Variants in STX7 observed in about 807,000 individuals in gnomAD.
STX7 encodes the protein syntaxin 7, also known as syntaxin-7.
STX7 carries 34 observed loss-of-function variants against 39.6 expected under a neutral mutation model. The observed-to-expected ratio is 0.86, with a 90% CI of 0.65 to 1.14. STX7 has a LOEUF of 1.14. STX7 is among the 50% of genes most tolerant of loss of function. The probability of loss-of-function intolerance (pLI) is 0.00; values close to 1 mark genes in which losing one functional copy is unlikely to be tolerated. For synonymous variants in STX7, 119 were observed against 99.1 expected (o/e 1.20, Z -1.19); for missense variants, 284 against 310.4 (o/e 0.92, Z 0.64).
chr6:132,455,571 A>T lies in STX7; in HGVS notation c.*5187T>A, dbSNP rs1774224528. The T allele has an allele frequency of 6.6e-6, 1 of 152,172 alleles. No individual in the cohort carries two copies. Among genetic ancestry groups the T allele is most frequent in the Non-Finnish European group, 1.5e-5 (1 of 68,032 alleles). The allele number at this position is 152,172 out of a possible 1,614,324, so 9.4% of individuals were successfully genotyped here. A position where few individuals can be genotyped will look rare whatever the true frequency, so the allele number is the denominator to read the frequency against. ...AGGAAATCTGGTTTTGCCTTCCACC[A>T]CTTACATTTTAAGCATAAATGCCAT... On this transcript the variant is annotated 3_prime_UTR_variant, in exon 10 of 10. Coordinates refer to ENST00000367941, the MANE Select transcript of STX7 (RefSeq NM_003569.3).
Position 132,460,854 on chromosome 6 carries a change from C to T in STX7, c.694-4G>A. ...ACAGGGTTTTTCTGGATTTGCGCTG[C>T]AGACGCAAAAAACAAAACAAAACAA... On this transcript the variant is annotated splice_region_variant and splice_polypyrimidine_tract_variant and intron_variant, in intron 9 of 9. Coordinates refer to ENST00000367941, the MANE Select transcript of STX7 (RefSeq NM_003569.3). 1 of 1,610,954 alleles carries T rather than the reference C, an allele frequency of 6.2e-7. No individual in the cohort carries two copies. The highest frequency in any genetic ancestry group is 8.5e-7 in the Non-Finnish European group (1 of 1,178,892).
intron 2 of STX7, among the ~76,000 whole-genome samples, chr6:132,480,148 C>T (rs1774981079): frequency 6.6e-6 from 1 of 152,134 alleles, no homozygotes; most frequent in African/African-American, 2.4e-5. Context: ...GTTCCACACA[C>T]CGATGCTTCT....
chr6:132,461,724 C>A, intron 9 of STX7: 1 of 1,115,986 alleles, frequency 9.0e-7, no homozygotes, highest in Non-Finnish European at 1.2e-6. Context: ...CAAACAAAAC[C>A]ACAGAGCAAA....
rs1396443746 is a variant in STX7, at chr6:132,475,678, A to G, written c.86-16T>C. ...ATTTCCACAGCTATTATAATAGAAA[A>G]TTCATGTATTAATTGTCACAAAAGT... On this transcript the variant is annotated splice_polypyrimidine_tract_variant and intron_variant, in intron 2 of 9. Coordinates refer to ENST00000367941, the MANE Select transcript of STX7 (RefSeq NM_003569.3). The G allele has an allele frequency of 1.3e-6, 2 of 1,564,964 alleles. No homozygotes were observed. Among genetic ancestry groups the G allele is most frequent in the Admixed American group, 1.7e-5 (1 of 57,912 alleles).
chr6:132,513,466 CG>C (rs1562345909), upstream of STX7, among the ~76,000 whole-genome samples: 1 of 152,104 alleles, frequency 6.6e-6, no homozygotes, highest in Non-Finnish European at 1.5e-5. Context: ...AATGCAAAGG[CG>C]AGTACACAAT....
rs1434758693 is a variant in STX7 at position 132,446,052 on chromosome 6, T to C, written c.*14706A>G. ...GGGTTAAGGTATTAAAGATGAAAGC[T>C]AGTACCCTTACAACTATTTATATTG... is the stretch of plus-strand genomic sequence containing the variant. On this transcript the variant is annotated 3_prime_UTR_variant, in exon 10 of 10. Coordinates refer to ENST00000367941, the MANE Select transcript of STX7 (RefSeq NM_003569.3). 1 of 152,194 alleles carries C rather than the reference T, an allele frequency of 6.6e-6. No homozygotes were observed. The highest frequency in any genetic ancestry group is 2.4e-5 in the African/African-American group (1 of 41,464). 9.4% of individuals were successfully genotyped at this position (152,194 alleles called of 1,614,324 possible).
At chr6:132,474,101 GC>G (rs1187821652) in intron 3 of STX7, among the ~76,000 whole-genome samples, 1 of 151,642 alleles carries the variant, frequency 6.6e-6, no homozygotes, top group Non-Finnish European at 1.5e-5. Context: ...TGGTGGATGT[GC>G]CTGTATTCCC....
chr6:132,461,842 A>T, intron 9 of STX7: 1 of 1,542,638 alleles, frequency 6.5e-7, no homozygotes, highest in Non-Finnish European at 8.8e-7. Flanking sequence ...CCTCACATCA[A>T]CATGCAGGAA....
intron 3 of STX7, among the ~76,000 whole-genome samples, chr6:132,474,227 C>CCA (rs777565011): frequency 8.6e-5 from 6 of 69,914 alleles, no homozygotes; most frequent in Admixed American, 4.0e-4. Context: ...GATCCTGTCT[C>CCA]AAAAAAAAAA....
intron 2 of STX7, among the ~76,000 whole-genome samples, chr6:132,502,029 C>T (rs926553176): frequency 1.3e-5 from 2 of 152,200 alleles, no homozygotes; most frequent in African/African-American, 4.8e-5. Context: ...CTGTGGACAA[C>T]GTGGTGCCTG....
intron 8 of STX7, among the ~76,000 whole-genome samples, chr6:132,466,811 A>G (rs1774576352): frequency 6.6e-6 from 1 of 152,180 alleles, no homozygotes; most frequent in African/African-American, 2.4e-5. Flanking sequence ...AGCCTGCTCC[A>G]CTTACAGATT....
chr6:132,505,076 A>G (rs191553160), intron 1 of STX7, among the ~76,000 whole-genome samples: 37 of 151,992 alleles, frequency 2.4e-4, no homozygotes, highest in African/African-American at 8.2e-4. Context: ...CTGCGACACA[A>G]AAAGTATTTC....
chr6:132,469,821 A>T, intron 7 of STX7, 130 bp downstream of exon 7: 1 of 638,332 alleles, frequency 1.6e-6, no homozygotes, highest in Non-Finnish European at 2.5e-6. Context: ...CCTGGGTGAC[A>T]GAGGGAGACT....
At position 132,451,955 on chromosome 6, in the gene STX7, C is replaced by T. The variant is rs1286706597; in HGVS notation, c.*8803G>A. 1 of 152,162 alleles carries T rather than the reference C, an allele frequency of 6.6e-6. No homozygotes were observed. Among genetic ancestry groups the T allele is most frequent in the African/African-American group, 2.4e-5 (1 of 41,438 alleles). 9.4% of individuals were successfully genotyped at this position (152,162 alleles called of 1,614,324 possible). On this transcript the variant is annotated 3_prime_UTR_variant, in exon 10 of 10. Transcript: ENST00000367941. ...GCTAGTATTACCCTGATACCACCAA[C>T]CAGTATGTCGCATTAAAACAGATGC... is the stretch of plus-strand genomic sequence containing the variant.
intron 1 of STX7, among the ~76,000 whole-genome samples, chr6:132,508,123 G>T (rs941424317): frequency 6.6e-6 from 1 of 152,192 alleles, no homozygotes; most frequent in Non-Finnish European, 1.5e-5. Context: ...GGAAAGTTAT[G>T]ATCTGTTCTT....
Position 132,484,337 on chromosome 6 carries a change from G to A in STX7, c.86-8675C>T, listed in dbSNP as rs139060550. On this transcript the variant is annotated intron_variant, in intron 2 of 9. Coordinates refer to ENST00000367941, the MANE Select transcript of STX7 (RefSeq NM_003569.3). ...ATGAAGATCCATTCTGTTCCACGTG[G>A]GTCTGCTGCCATCTAGTGGATTATT... Among the ~76,000 whole-genome samples the A allele has an allele frequency of 1.4e-4, 21 of 152,118 alleles. No individual in the cohort carries two copies. The East Asian group carries it at 4.1e-3, about 29-fold the overall frequency.
chr6:132,449,408 G>A lies in STX7; in HGVS notation c.*11350C>T, dbSNP rs1005214440. On this transcript the variant is annotated 3_prime_UTR_variant, in exon 10 of 10. Transcript: ENST00000367941. The stretch of plus-strand genomic sequence containing the variant: ...GGCCTCCCAAAATGCTGTGATTACA[G>A]GCATAAGCCACCATACCAGGTCCCA... 1 of 152,122 alleles carries A rather than the reference G, an allele frequency of 6.6e-6. No homozygotes were observed. Among genetic ancestry groups the A allele is most frequent in the African/African-American group, 2.4e-5 (1 of 41,420 alleles). 9.4% of individuals were successfully genotyped at this position (152,122 alleles called of 1,614,324 possible).
rs56348033 is a variant in STX7 at position 132,460,732 on chromosome 6, G to T, written c.*26C>A. The T allele has an allele frequency of 1.3e-6, 2 of 1,494,976 alleles. No homozygotes were observed. The highest frequency in any genetic ancestry group is 1.9e-6 in the Non-Finnish European group (2 of 1,078,042). 92.6% of individuals were successfully genotyped at this position (1,494,976 alleles called of 1,614,324 possible). A position where few individuals can be genotyped will look rare whatever the true frequency, so the allele number is the denominator to read the frequency against. ...CTTCCTACATAATTTAGACAATGTA[G>T]TGCGACAGTGTGCTCCTTTATAACT... On this transcript the variant is annotated 3_prime_UTR_variant, in exon 10 of 10. Coordinates refer to ENST00000367941, the MANE Select transcript of STX7 (RefSeq NM_003569.3).
rs1336314453 is a variant in STX7 at position 132,455,125 on chromosome 6, T to A, written c.*5633A>T. The stretch of plus-strand genomic sequence containing the variant: ...GGATCAGCTTTGATCTGAGAGCTTT[T>A]CACCGTCAAGTTTTTAGCTATACAA... On this transcript the variant is annotated 3_prime_UTR_variant, in exon 10 of 10. Coordinates refer to ENST00000367941, the MANE Select transcript of STX7 (RefSeq NM_003569.3). The A allele has an allele frequency of 6.6e-6, 1 of 152,210 alleles. No homozygotes were observed. The highest frequency in any genetic ancestry group is 1.5e-5 in the Non-Finnish European group (1 of 68,020). The allele number at this position is 152,210 out of a possible 1,614,324, so 9.4% of individuals were successfully genotyped here.
Sources: gnomAD v4.1 joint callset for allele counts (sites outside exome capture counted in the v4.1 genomes callset) on GRCh38, gnomAD v4.1.1 for gene constraint, MANE v1.5 for transcripts, NCBI Gene and HGNC (gene_info 2026-07-23, HGNC 2026-07-21) for gene names.